RNF152: variants seen among roughly 807,000 people sequenced by gnomAD.
The protein encoded by RNF152 is E3 ubiquitin-protein ligase RNF152.
In RNF152, 11 loss-of-function variants were observed where a neutral mutation model predicts 12.7. The ratio of observed to expected loss-of-function variants is 0.86; its 90% CI spans 0.54 to 1.43. RNF152 has a LOEUF of 1.43. RNF152 is among the 40% of genes most tolerant of loss of function. The pLI, the probability that RNF152 is intolerant of heterozygous loss-of-function variation, is 0.00. For synonymous variants in RNF152, 113 were observed against 120.3 expected (o/e 0.94, Z 0.40); for missense variants, 255 against 274.8 (o/e 0.93, Z 0.51).
At chr18:61,844,096 A>AAGAAAGAAAGAAAGAAAG (rs1375876528) in intron 1 of RNF152, among the ~76,000 whole-genome samples, 5 of 121,966 alleles carry the variant, frequency 4.1e-5, no homozygotes, top group Non-Finnish European at 7.6e-5. Context: ...GAAAGAAAGA[A>AAGAAAGAAAGAAAGAAAG]AGAAAGAAAG....
chr18:61,834,529 A>G (rs537814919), intron 1 of RNF152, among the ~76,000 whole-genome samples: 35 of 152,224 alleles, frequency 2.3e-4, no homozygotes, highest in Non-Finnish European at 4.0e-4. Context: ...ACCTTTATTT[A>G]CCTTCATCTG....
chr18:61,857,985 T>C (rs1034232120), intron 1 of RNF152, among the ~76,000 whole-genome samples: 1 of 152,224 alleles, frequency 6.6e-6, no homozygotes, highest in Admixed American at 6.5e-5. Context: ...GCTTTACGTT[T>C]GGGTCTCCTC....
rs910694022 is a variant in RNF152, at chr18:61,815,686, C to T, written c.*166G>A. ...TTCACCTGGTATCTTGTTGAGACCG[C>T]ACCTTCTGCCCTTTGTGTCTGTCTT... is the stretch of plus-strand genomic sequence containing the variant. On this transcript the variant is annotated 3_prime_UTR_variant, in exon 2 of 2. Coordinates refer to ENST00000312828, the MANE Select transcript of RNF152 (RefSeq NM_173557.3). The T allele has an allele frequency of 5.6e-5, 38 of 673,752 alleles. 1 individual carries two copies. In the South Asian group the frequency reaches 6.7e-4, roughly 12 times the overall value. 41.7% of individuals were successfully genotyped at this position (673,752 alleles called of 1,614,324 possible). A position where few individuals can be genotyped will look rare whatever the true frequency, so the allele number is the denominator to read the frequency against.
intron 1 of RNF152, among the ~76,000 whole-genome samples, chr18:61,842,686 A>G (rs571120200): frequency 3.3e-5 from 5 of 152,204 alleles, no homozygotes; most frequent in Admixed American, 1.3e-4. Context: ...AAAGAGGTTT[A>G]ATGGACTCAC....
At chr18:61,836,177 G>C (rs1448248328) in intron 1 of RNF152, among the ~76,000 whole-genome samples, 2 of 152,174 alleles carry the variant, frequency 1.3e-5, no homozygotes, top group Admixed American at 1.3e-4. Context: ...GTTGATTCCA[G>C]GTCTGGGGCA....
chr18:61,883,974 G>T (rs948056480), intron 1 of RNF152, among the ~76,000 whole-genome samples: 5 of 152,164 alleles, frequency 3.3e-5, no homozygotes, highest in African/African-American at 9.7e-5. Flanking sequence ...AAACGCTGAA[G>T]GCTGTAGTTA....
intron 1 of RNF152, among the ~76,000 whole-genome samples, chr18:61,861,763 T>C (rs989556176): frequency 1.3e-5 from 2 of 152,104 alleles, no homozygotes; most frequent in South Asian, 2.1e-4. Flanking sequence ...AGAGATCACA[T>C]GGTGAGAGAG....
intron 1 of RNF152, among the ~76,000 whole-genome samples, chr18:61,861,747 A>G (rs1158374432): frequency 6.6e-6 from 1 of 152,214 alleles, no homozygotes; most frequent in Non-Finnish European, 1.5e-5. Context: ...GGAAGCTGGC[A>G]TGTGCAGAGA....
At chr18:61,853,785 C>A (rs887587771) in intron 1 of RNF152, among the ~76,000 whole-genome samples, 1 of 152,214 alleles carries the variant, frequency 6.6e-6, no homozygotes, top group Non-Finnish European at 1.5e-5. Flanking sequence ...TTTCAACATC[C>A]TTAACCTAAT....
intron 1 of RNF152, among the ~76,000 whole-genome samples, chr18:61,882,778 A>G (rs543448744): frequency 6.6e-6 from 1 of 152,104 alleles, no homozygotes; most frequent in Non-Finnish European, 1.5e-5. Context: ...TCCCTTCCCA[A>G]CCCCCACTTG....
intron 1 of RNF152, among the ~76,000 whole-genome samples, chr18:61,880,836 T>A (rs1273876229): frequency 6.6e-6 from 1 of 152,060 alleles, no homozygotes; most frequent in Non-Finnish European, 1.5e-5. Flanking sequence ...ACCATACACC[T>A]ACACAATTCT....
intron 1 of RNF152, among the ~76,000 whole-genome samples, chr18:61,834,068 G>A (rs917419221): frequency 1.5e-4 from 23 of 152,236 alleles, no homozygotes; most frequent in Admixed American, 2.6e-4. Context: ...AGACACTGGA[G>A]CAAAAGATGT....
At chr18:61,842,319 A>G (rs753277603) in intron 1 of RNF152, among the ~76,000 whole-genome samples, 19 of 152,354 alleles carry the variant, frequency 1.2e-4, no homozygotes, top group Non-Finnish European at 2.5e-4. Flanking sequence ...TCTAACTCAC[A>G]GCACAGTTCT....
At chr18:61,884,838 C>A (rs1309226103) in intron 1 of RNF152, among the ~76,000 whole-genome samples, 1 of 152,100 alleles carries the variant, frequency 6.6e-6, no homozygotes, top group South Asian at 2.1e-4. Context: ...GGATTACAGG[C>A]GTGAGTCACC....
chr18:61,848,790 C>G (rs1910845171), intron 1 of RNF152, among the ~76,000 whole-genome samples: 1 of 152,190 alleles, frequency 6.6e-6, no homozygotes, highest in Admixed American at 6.5e-5. Flanking sequence ...GGGGCTAAGG[C>G]AGGGAGGAGG....
intron 1 of RNF152, among the ~76,000 whole-genome samples, chr18:61,870,276 G>A (rs542592380): frequency 7.2e-5 from 11 of 152,290 alleles, no homozygotes; most frequent in African/African-American, 2.6e-4. Context: ...GCACTCCAAA[G>A]AGAAACAGGC....
intron 1 of RNF152, among the ~76,000 whole-genome samples, chr18:61,839,351 A>T (rs1014756436): frequency 1.3e-5 from 2 of 152,214 alleles, no homozygotes; most frequent in Non-Finnish European, 2.9e-5. Context: ...CTTGACTTTC[A>T]TAACGTTCAC....
intron 1 of RNF152, among the ~76,000 whole-genome samples, chr18:61,861,381 A>G (rs1911472819): frequency 6.6e-6 from 1 of 152,260 alleles, no homozygotes; most frequent in African/African-American, 2.4e-5. Context: ...ATTCAGTATA[A>G]TAATATGCTG....
chr18:61,838,457 C>A (rs1910288174), intron 1 of RNF152, among the ~76,000 whole-genome samples: 1 of 152,136 alleles, frequency 6.6e-6, no homozygotes, highest in Non-Finnish European at 1.5e-5. Context: ...TTCCAGCCAG[C>A]CAAATTTTCA....
Sources: gnomAD v4.1 joint callset for allele counts (sites outside exome capture counted in the v4.1 genomes callset) on GRCh38, gnomAD v4.1.1 for gene constraint, MANE v1.5 for transcripts, NCBI Gene and HGNC (gene_info 2026-07-23, HGNC 2026-07-21) for gene names.